Variants in XPO6 observed in about 807,000 individuals in gnomAD.
XPO6 encodes exportin 6.
Under a neutral mutation model 130.0 loss-of-function variants are expected in XPO6, and 3 were observed. The observed-to-expected ratio is 0.02, with a 90% CI of 0.01 to 0.06. XPO6 has a LOEUF of 0.06. Ranked by LOEUF, XPO6 falls within the 10% of genes least tolerant of loss-of-function variation. The probability of loss-of-function intolerance (pLI) is 1.00; values close to 1 mark genes in which losing one functional copy is unlikely to be tolerated. For missense variants in XPO6, 970 were observed against 1,393.0 expected (o/e 0.70, Z 4.83); for synonymous variants, 524 against 548.9 (o/e 0.95, Z 0.63).
intron 17 of XPO6, chr16:28,111,199 C>T (rs1435903824): frequency 1.3e-5 from 2 of 152,112 alleles, no homozygotes; most frequent in Non-Finnish European, 2.9e-5. Flanking sequence ...TAAATGGCAC[C>T]ATCTAATAAT....
chr16:28,098,418 G>T lies in XPO6; in HGVS notation c.*120C>A. 1 of 832,090 alleles carries T rather than the reference G, an allele frequency of 1.2e-6. No individual in the cohort carries two copies. The allele number at this position is 832,090 out of a possible 1,614,324, so 51.5% of individuals were successfully genotyped here. On this transcript the variant is annotated 3_prime_UTR_variant, in exon 24 of 24. Coordinates refer to ENST00000304658, the MANE Select transcript of XPO6 (RefSeq NM_015171.4). ...AGGAGCGGCAGAGGCAGGCAGCGTT[G>T]CTTGCGGTGGGAGAAGCCAAGGAGT...
intron 2 of XPO6, among the ~76,000 whole-genome samples, chr16:28,178,427 G>A (rs1194402623): frequency 6.6e-6 from 1 of 151,470 alleles, no homozygotes; most frequent in Non-Finnish European, 1.5e-5. Context: ...AACTTAACTA[G>A]ATATGGTGGT....
At chr16:28,112,795 C>T (rs1596796304) in intron 16 of XPO6, 109 bp downstream of exon 16, 24 of 1,389,848 alleles carry the variant, frequency 1.7e-5, no homozygotes, top group East Asian at 7.1e-5. Flanking sequence ...TATGCTGGTA[C>T]AGCCTGTAAG....
rs578138118 is a variant in XPO6, at chr16:28,169,902, T to G, written c.413A>C (p.Gln138Pro). 6.2e-7 allele frequency: 1 copy of G among 1,614,126 alleles called. No homozygotes were observed. The highest frequency in any genetic ancestry group is 2.2e-5 in the East Asian group (1 of 44,880). ...DFFTNILQLI[Q>P]SPVTTPLGLI... ...CCCAAGGGGGGTTGTCACAGGGGAC[T>G]GGATCAACTGCCAGGAAAAAGCATG... The change falls in exon 5 of 24, where the codon CAG becomes CCG. Residue 138 changes from glutamine to proline, a missense_variant. Physicochemically the swap from Gln to Pro is moderately conservative, Grantham distance 76. This residue lies in a region of XPO6 where 936 missense variants were observed against 1,306.8 expected (regional missense o/e 0.72). Coordinates refer to ENST00000304658, the MANE Select transcript of XPO6 (RefSeq NM_015171.4).
At chr16:28,111,236 G>A (rs1047368837) in intron 17 of XPO6, 1 of 152,110 alleles carries the variant, frequency 6.6e-6, no homozygotes, top group Admixed American at 6.5e-5. Flanking sequence ...TTTGTGAAAG[G>A]AGCTCGTATT....
intron 1 of XPO6, among the ~76,000 whole-genome samples, chr16:28,190,368 C>T (rs1383138074): frequency 6.6e-6 from 1 of 151,924 alleles, no homozygotes; most frequent in South Asian, 2.1e-4. Context: ...TACAGGTGCC[C>T]GCCACCACAC....
At chr16:28,147,506 G>C (rs560790790) in intron 8 of XPO6, among the ~76,000 whole-genome samples, 1 of 152,072 alleles carries the variant, frequency 6.6e-6, no homozygotes, top group East Asian at 1.9e-4. Context: ...CGACCCAAAG[G>C]GTAGCTCTGG....
intron 1 of XPO6, among the ~76,000 whole-genome samples, chr16:28,208,104 C>CCA (rs1325001861): frequency 3.3e-5 from 5 of 152,172 alleles, no homozygotes; most frequent in Non-Finnish European, 7.3e-5. Flanking sequence ...CAAGATCATG[C>CCA]CACTACACTC....
intron 15 of XPO6, chr16:28,117,112 A>C (rs2087084889): frequency 1.7e-6 from 1 of 572,900 alleles, no homozygotes; most frequent in South Asian, 2.8e-5. Flanking sequence ...ATTCATGTGG[A>C]ACTCAGATAA....
chr16:28,210,991 C>T (rs909204651), intron 1 of XPO6, among the ~76,000 whole-genome samples: 2 of 152,200 alleles, frequency 1.3e-5, no homozygotes, highest in African/African-American at 4.8e-5. Flanking sequence ...CCTCAGTCTC[C>T]CCACTTCCGA....
intron 9 of XPO6, among the ~76,000 whole-genome samples, chr16:28,138,054 T>C (rs185476914): frequency 3.3e-5 from 5 of 152,086 alleles, no homozygotes; most frequent in African/African-American, 1.2e-4. Flanking sequence ...AGCCCTAAAG[T>C]AGACTAGCAA....
intron 1 of XPO6, among the ~76,000 whole-genome samples, chr16:28,188,439 G>T (rs996176385): frequency 2.6e-5 from 4 of 152,090 alleles, no homozygotes; most frequent in Admixed American, 1.3e-4. Context: ...GGCATATCTA[G>T]AACAGTGTCA....
In XPO6 at chr16:28,163,702, G is replaced by C. The variant is rs536320196; in HGVS notation, c.643+2806C>G. On this transcript the variant is annotated intron_variant, in intron 6 of 23. Transcript: ENST00000304658. ...CAGAGAAGGTGAAGGATCCACTCAA[G>C]GTCACAGAGTAAGTGGCAGGGCCAA... Among the ~76,000 whole-genome samples the C allele has an allele frequency of 3.9e-5, 6 of 152,302 alleles. No individual in the cohort carries two copies. The East Asian group carries it at 9.7e-4, about 25-fold the overall frequency.
rs1054109710 is a variant in XPO6, at chr16:28,169,888, T to C, written c.427A>G (p.Thr143Ala). The C allele has an allele frequency of 2.5e-6, 4 of 1,613,822 alleles. No individual in the cohort carries two copies. Among genetic ancestry groups the C allele is most frequent in the East Asian group, 2.2e-5 (1 of 44,846 alleles). ...ILQLIQSPVT[T>A]PLGLIMLKTT... Reference sequence around the variant, plus strand: ...TTCAACATGATCAGCCCAAGGGGGGTTGTCACAGGGGACTGGATCAACTGC... The same window carrying C: ...TTCAACATGATCAGCCCAAGGGGGGCTGTCACAGGGGACTGGATCAACTGC... Residue 143 changes from threonine (T) to alanine (A), a missense_variant, in exon 5 of 24, where the codon ACC (threonine) becomes GCC (alanine). Thr to Ala is a moderately conservative substitution (Grantham distance 58). Coordinates refer to ENST00000304658, the MANE Select transcript of XPO6 (RefSeq NM_015171.4).
intron 13 of XPO6, among the ~76,000 whole-genome samples, chr16:28,125,333 C>T (rs2087368669): frequency 6.6e-6 from 1 of 152,194 alleles, no homozygotes; most frequent in African/African-American, 2.4e-5. Flanking sequence ...CTGACCTCTC[C>T]TGGTTTCTCC....
At chr16:28,152,499 C>T (rs181562015) in intron 8 of XPO6, among the ~76,000 whole-genome samples, 160 bp downstream of exon 8, 20 of 152,312 alleles carry the variant, frequency 1.3e-4, no homozygotes, top group Non-Finnish European at 2.1e-4. Flanking sequence ...ATAGAACCTA[C>T]TTCACAGGGA....
At position 28,098,488 on chromosome 16, in the gene XPO6, C is replaced by T; in HGVS notation, c.*50G>A. 1 of 1,525,456 alleles carries T rather than the reference C, an allele frequency of 6.6e-7. No individual in the cohort carries two copies. Among genetic ancestry groups the T allele is most frequent in the Non-Finnish European group, 9.0e-7 (1 of 1,111,972 alleles). The allele number at this position is 1,525,456 out of a possible 1,614,324, so 94.5% of individuals were successfully genotyped here. A position where few individuals can be genotyped will look rare whatever the true frequency, so the allele number is the denominator to read the frequency against. On this transcript the variant is annotated 3_prime_UTR_variant, in exon 24 of 24. Coordinates refer to ENST00000304658, the MANE Select transcript of XPO6 (RefSeq NM_015171.4). The stretch of plus-strand genomic sequence containing the variant: ...GAGACATCTGTGGTGGAAGGTAGGG[C>T]TGGCGCAGGTGGCAGCAGCAGAAGT...
At chr16:28,130,892 C>T (rs768442646) in intron 12 of XPO6, among the ~76,000 whole-genome samples, 1 of 152,064 alleles carries the variant, frequency 6.6e-6, no homozygotes, top group Non-Finnish European at 1.5e-5. Flanking sequence ...CAAAAGTAAA[C>T]AGGACACTGA....
At chr16:28,188,936 G>C (rs935865662) in intron 1 of XPO6, among the ~76,000 whole-genome samples, 1 of 151,962 alleles carries the variant, frequency 6.6e-6, no homozygotes, top group African/African-American at 2.4e-5. Context: ...CTGCTCTTTT[G>C]CATCCCAGCC....
Sources: allele counts gnomAD v4.1 joint callset (sites outside exome capture counted in the v4.1 genomes callset), GRCh38; gene constraint gnomAD v4.1.1; regional missense constraint gnomAD v4.1.1; transcripts MANE v1.5; gene names NCBI Gene and HGNC (gene_info 2026-07-23, HGNC 2026-07-21).